NCKAP5: variants seen among roughly 807,000 people sequenced by gnomAD.
The protein encoded by NCKAP5 is NCK associated protein 5, also known as nck-associated protein 5.
NCKAP5 carries 92 observed loss-of-function variants against 167.0 expected under a neutral mutation model. That is an observed-to-expected ratio of 0.55 (90% CI 0.47 to 0.66). NCKAP5 has a LOEUF of 0.66. NCKAP5 is among the 30% of genes least tolerant of loss of function. The probability of loss-of-function intolerance (pLI) is 0.00; values close to 1 mark genes in which losing one functional copy is unlikely to be tolerated. For missense variants in NCKAP5, 2,378 were observed against 2,315.0 expected, an observed-to-expected ratio of 1.03 and a Z score of -0.56; for synonymous variants, 891 against 877.4, an observed-to-expected ratio of 1.02 and a Z score of -0.27.
chr2:132,838,436 C>T (rs1480645230), intron 11 of NCKAP5, among the ~76,000 whole-genome samples: 3 of 151,992 alleles, frequency 2.0e-5, no homozygotes, highest in African/African-American at 7.2e-5. Flanking sequence ...TTGAGACCAT[C>T]CTGGCTAACG....
At chr2:132,786,874 A>G (rs1485682033) in intron 13 of NCKAP5, among the ~76,000 whole-genome samples, 1 of 152,208 alleles carries the variant, frequency 6.6e-6, no homozygotes, top group African/African-American at 2.4e-5. Context: ...GTGAGGGGAC[A>G]TGAACCCAGG....
the NCKAP5 span, among the ~76,000 whole-genome samples, chr2:133,595,655 G>C: frequency 1.3e-5 from 2 of 151,898 alleles, no homozygotes; most frequent in Non-Finnish European, 2.9e-5. Flanking sequence ...ACTTGTTCAG[G>C]TTTGCTTTGT....
At chr2:133,312,266 G>A (rs945714100) in intron 3 of NCKAP5, among the ~76,000 whole-genome samples, 6 of 152,194 alleles carry the variant, frequency 3.9e-5, no homozygotes, top group Admixed American at 3.9e-4. Flanking sequence ...TTGGTACCAA[G>A]GCAGTAGACT....
Position 133,558,704 on chromosome 2 carries a change from C to CAAAAAAAAA in NCKAP5, c.-62+337_-62+345dup, listed in dbSNP as rs60051493. On this transcript the variant is annotated intron_variant, in intron 2 of 19. Transcript: ENST00000409261. ...ACATAAACAGATGCAATGTGCTGAGCAAAAAAAAAAAAAAAAAAAAAAGCC... is the reference window on the plus strand; with the variant it reads ...ACATAAACAGATGCAATGTGCTGAGCAAAAAAAAAAAAAAAAAAAAAAAAAAAAAAAGCC... Among the ~76,000 whole-genome samples the CAAAAAAAAA allele has an allele frequency of 4.1e-3, 210 of 50,862 alleles. 34 individuals are homozygous for CAAAAAAAAA. The highest frequency in any genetic ancestry group is 0.015 in the East Asian group (21 of 1,376). The allele number at this position is 50,862 out of a possible 152,430, so 33.4% of individuals were successfully genotyped here.
chr2:133,470,063 T>C (rs1692931022), intron 3 of NCKAP5, among the ~76,000 whole-genome samples: 1 of 152,168 alleles, frequency 6.6e-6, no homozygotes, highest in African/African-American at 2.4e-5. Context: ...AGGAACTGCG[T>C]TCCTTTGGAG....
At chr2:133,086,793 T>A (rs1456039549) in intron 6 of NCKAP5, among the ~76,000 whole-genome samples, 1 of 151,994 alleles carries the variant, frequency 6.6e-6, no homozygotes, top group Non-Finnish European at 1.5e-5. Flanking sequence ...AAACAACTAC[T>A]AAAGAGGAAA....
intron 7 of NCKAP5, among the ~76,000 whole-genome samples, chr2:132,971,881 G>GT (rs2076845368): frequency 6.6e-6 from 1 of 152,186 alleles, no homozygotes; most frequent in South Asian, 2.1e-4. Context: ...ATACCTGGGA[G>GT]TGGGGACAGG....
chr2:132,977,621 A>C (rs1434448304), intron 7 of NCKAP5, among the ~76,000 whole-genome samples: 2 of 152,212 alleles, frequency 1.3e-5, no homozygotes, highest in African/African-American at 2.4e-5. Flanking sequence ...AATAAGATGC[A>C]TTAACTATAC....
At chr2:132,734,994 C>G (rs932901605) in intron 16 of NCKAP5, among the ~76,000 whole-genome samples, 1 of 152,228 alleles carries the variant, frequency 6.6e-6, no homozygotes, top group African/African-American at 2.4e-5. Context: ...GGAATTCTAG[C>G]TTGGTTCCTG....
chr2:133,308,689 C>CTTTTTTTT lies in NCKAP5; in HGVS notation c.70-5587_70-5580dup, dbSNP rs35760716. ...TTTTTTCGTTTGAAGAAATACAATTCTTTTTTTTTTTTTTTTTTTTTTTTT... is the reference window on the plus strand; with the variant it reads ...TTTTTTCGTTTGAAGAAATACAATTCTTTTTTTTTTTTTTTTTTTTTTTTTTTTTTTTT... On this transcript the variant is annotated intron_variant, in intron 3 of 19. Coordinates refer to ENST00000409261, the MANE Select transcript of NCKAP5 (RefSeq NM_207363.3). 4.0e-4 allele frequency among the ~76,000 whole-genome samples: 24 copies of CTTTTTTTT among 59,278 alleles called. 2 individuals are homozygous for CTTTTTTTT. The highest frequency in any genetic ancestry group is 5.1e-4 in the Non-Finnish European group (15 of 29,632). The allele number at this position is 59,278 out of a possible 152,430, so 38.9% of individuals were successfully genotyped here.
At chr2:133,565,081 T>C (rs1245344802) in intron 1 of NCKAP5, among the ~76,000 whole-genome samples, 1 of 152,094 alleles carries the variant, frequency 6.6e-6, no homozygotes, top group African/African-American at 2.4e-5. Flanking sequence ...AGGAGGTGCA[T>C]GCAAGATATG....
chr2:133,547,187 C>G (rs950164077), intron 2 of NCKAP5, among the ~76,000 whole-genome samples: 5 of 152,194 alleles, frequency 3.3e-5, no homozygotes, highest in South Asian at 4.1e-4. Flanking sequence ...AAAAACGGCG[C>G]GCCACGAGAT....
intron 3 of NCKAP5, among the ~76,000 whole-genome samples, chr2:133,439,491 A>G (rs970835233): frequency 6.6e-6 from 1 of 152,246 alleles, no homozygotes; most frequent in Non-Finnish European, 1.5e-5. Flanking sequence ...AATGCCGTTT[A>G]TTTACATGAT....
intron 6 of NCKAP5, among the ~76,000 whole-genome samples, chr2:133,070,947 T>C (rs965859246): frequency 6.6e-6 from 1 of 152,228 alleles, no homozygotes; most frequent in Admixed American, 6.5e-5. Context: ...ACCTTTCTAA[T>C]CTTAATAATT....
intron 8 of NCKAP5, among the ~76,000 whole-genome samples, chr2:132,911,953 G>A (rs778413390): frequency 6.6e-6 from 1 of 151,880 alleles, no homozygotes; most frequent in African/African-American, 2.4e-5. Context: ...TTGGAGGCAC[G>A]CCCACAGTGT....
chr2:132,848,576 A>C (rs893271647), intron 11 of NCKAP5, among the ~76,000 whole-genome samples: 20 of 152,226 alleles, frequency 1.3e-4, no homozygotes, highest in Admixed American at 1.1e-3. Flanking sequence ...CAACATAAAT[A>C]TATCTATTAT....
chr2:132,894,242 C>T (rs4954005), intron 8 of NCKAP5, among the ~76,000 whole-genome samples: 1 of 151,610 alleles, frequency 6.6e-6, no homozygotes, highest in Non-Finnish European at 1.5e-5. Flanking sequence ...GGAAGACCTA[C>T]ATTTGAGAAA....
rs56872537 is a variant in NCKAP5 at position 132,724,870 on chromosome 2, G to A, written c.5713+757C>T. ...GAAATACACATGGCTACTAGATTATGTTTTTTCCCTAAACATATCAAACTT... is the reference window on the plus strand; with the variant it reads ...GAAATACACATGGCTACTAGATTATATTTTTTCCCTAAACATATCAAACTT... On this transcript the variant is annotated intron_variant, in intron 19 of 19. Transcript: ENST00000409261. Among the ~76,000 whole-genome samples, 879 of 151,934 alleles carry A rather than the reference G, an allele frequency of 5.8e-3. 16 individuals carry two copies. The highest frequency in any genetic ancestry group is 0.041 in the East Asian group (212 of 5,176).
At chr2:133,264,740 C>G (rs2089098039) in intron 4 of NCKAP5, among the ~76,000 whole-genome samples, 1 of 152,174 alleles carries the variant, frequency 6.6e-6, no homozygotes. Context: ...ATAATGAAAT[C>G]TGGTCCTTTA....
Sources: gnomAD v4.1 joint callset for allele counts (sites outside exome capture counted in the v4.1 genomes callset) on GRCh38, gnomAD v4.1.1 for gene constraint, MANE v1.5 for transcripts, NCBI Gene and HGNC (gene_info 2026-07-23, HGNC 2026-07-21) for gene names.